DAPK3: variants seen among roughly 807,000 people sequenced by gnomAD.
DAPK3 encodes death associated protein kinase 3, also known as death-associated protein kinase 3.
DAPK3 carries 24 observed loss-of-function variants against 30.6 expected under a neutral mutation model. The ratio of observed to expected loss-of-function variants is 0.78; its 90% CI spans 0.57 to 1.10. The LOEUF (loss-of-function observed/expected upper bound fraction) is 1.10, where lower values mean the gene tolerates loss of function less well. Among genes scored for constraint, DAPK3 ranks in the 50% least tolerant of loss-of-function variants. DAPK3 has a pLI of 0.00. For synonymous variants in DAPK3, 341 were observed against 284.0 expected (o/e 1.20, Z -2.02); for missense variants, 629 against 657.3 (o/e 0.96, Z 0.47).
rs2039475822 is a variant in DAPK3, at chr19:3,959,270, G to A, written c.1196C>T (p.Ala399Val). The A allele has an allele frequency of 6.3e-7, 1 of 1,598,150 alleles. No homozygotes were observed. The highest frequency in any genetic ancestry group is 2.2e-5 in the East Asian group (1 of 44,716). The change falls in exon 9 of 9, where the codon GCC (alanine) becomes GTC (valine). Residue 399 changes from alanine (A) to valine (V), a missense_variant. This residue lies in a region of DAPK3 where 323 missense variants were observed against 278.8 expected (regional missense o/e 1.16). Transcript: ENST00000545797. ...GCTGGTCCCCAGCAGCGCGCCCTTG[G>A]CCTCCTCCTGCGCCTGCCGCTTGAG... ...EALKRQAQEE[A>V]KGALLGTSGL... is the part of the protein sequence containing the mutation.
chr19:3,960,173 C>G (rs1265202620), intron 7 of DAPK3, 69 bp from the exon 8 acceptor site: 2 of 843,158 alleles, frequency 2.4e-6, no homozygotes, highest in African/African-American at 1.7e-5. Flanking sequence ...ACAACTGACT[C>G]CCGGGACCCC....
rs116776719 is a variant in DAPK3, at chr19:3,959,796, T to A, written c.829-159A>T. ...GCCCGACGCAAAGCCGAGAGTGCTC[T>A]CTCGAGAAAAACGCTGCGGCCCTGG... On this transcript the variant is annotated intron_variant, in intron 8 of 8. Coordinates refer to ENST00000545797, the MANE Select transcript of DAPK3 (RefSeq NM_001348.3). The A allele has an allele frequency of 1.9e-3, 1,725 of 889,428 alleles. 23 individuals are homozygous for A. In the African/African-American group the frequency reaches 0.027, roughly 14 times the overall value. 55.1% of individuals were successfully genotyped at this position (889,428 alleles called of 1,614,324 possible).
rs149472696 is a variant in DAPK3, at chr19:3,961,433, A to G, written c.630-272T>C. 298 of 595,014 alleles carry G rather than the reference A, an allele frequency of 5.0e-4. 2 individuals carry two copies. The highest frequency in any genetic ancestry group is 4.8e-3 in the African/African-American group (260 of 54,202). The allele number at this position is 595,014 out of a possible 1,614,324, so 36.9% of individuals were successfully genotyped here. A position where few individuals can be genotyped will look rare whatever the true frequency, so the allele number is the denominator to read the frequency against. ...AGACTCGAAGTATCTGTGCAGACGC[A>G]GAGCCCGAAAGCCCCCAGTGCTCAG... On this transcript the variant is annotated intron_variant, in intron 6 of 8. Transcript: ENST00000545797.
intron 2 of DAPK3, among the ~76,000 whole-genome samples, chr19:3,968,870 C>G (rs1255133673): frequency 6.6e-6 from 1 of 152,162 alleles, no homozygotes; most frequent in African/African-American, 2.4e-5. Flanking sequence ...AGGCTGGAGG[C>G]TCTACAAAAG....
chr19:3,959,442 GCTCGCGCAGGCC>G lies in DAPK3; in HGVS notation c.1012_1023del (p.Gly338_Glu341del). On this transcript the variant is annotated inframe_deletion, in exon 9 of 9. Coordinates refer to ENST00000545797, the MANE Select transcript of DAPK3 (RefSeq NM_001348.3). ...TGGCAGAGCCGCCGGCTGCGCTGCA[GCTCGCGCAGGCC>G]CTCCTCGGCGGCCGCCGCCTCCTCC... 1 of 1,548,694 alleles carries G rather than the reference GCTCGCGCAGGCC, an allele frequency of 6.5e-7. No individual in the cohort carries two copies. The highest frequency in any genetic ancestry group is 8.7e-7 in the Non-Finnish European group (1 of 1,153,682).
intron 7 of DAPK3, 142 bp from the exon 8 acceptor site, chr19:3,960,246 C>CT (rs1179750210): frequency 1.6e-6 from 1 of 628,866 alleles, no homozygotes; most frequent in Non-Finnish European, 2.9e-6. Flanking sequence ...AACAAGGGTA[C>CT]TGCAGGGAGC....
At chr19:3,963,559 C>T in intron 6 of DAPK3, 84 bp downstream of exon 6, 2 of 840,096 alleles carry the variant, frequency 2.4e-6, no homozygotes, top group South Asian at 3.4e-5. Flanking sequence ...GCTGGGGACC[C>T]CTGGCGTCCA....
rs373824365 is a variant in DAPK3 at position 3,969,659 on chromosome 19, G to T, written c.62+15C>A. On this transcript the variant is annotated intron_variant, in intron 2 of 8. Transcript: ENST00000545797. ...TCCTATCCCTGGAGCCCAGCCGTGC[G>T]GGCAGACAGCTCACCTGCCCAGCTC... The T allele has an allele frequency of 1.5e-5, 24 of 1,575,604 alleles. No homozygotes were observed. Among genetic ancestry groups the T allele is most frequent in the Non-Finnish European group, 2.0e-5 (23 of 1,146,362 alleles).
At chr19:3,970,389 T>G (rs1344736364) in intron 1 of DAPK3, among the ~76,000 whole-genome samples, 1 of 152,064 alleles carries the variant, frequency 6.6e-6, no homozygotes, top group East Asian at 1.9e-4. Context: ...CCTCCCAAAG[T>G]GCTGCCATTC....
chr19:3,959,241 G>T lies in DAPK3; in HGVS notation c.1225C>A (p.Leu409Ile). 1 of 1,600,196 alleles carries T rather than the reference G, an allele frequency of 6.2e-7. No homozygotes were observed. Residue 409 changes from leucine to isoleucine, a missense_variant, in exon 9 of 9, where the codon CTC becomes ATC. Transcript: ENST00000545797. ...TCCAGGCGGCTGAAGCGGCGCTTGAGGCCGCTGGTCCCCAGCAGCGCGCCC... is the reference window on the plus strand; with the variant it reads ...TCCAGGCGGCTGAAGCGGCGCTTGATGCCGCTGGTCCCCAGCAGCGCGCCC... ...AKGALLGTSG[L>I]KRRFSRLENR...
At chr19:3,961,639 C>T (rs192304638) in intron 6 of DAPK3, 33 of 411,658 alleles carry the variant, frequency 8.0e-5, no homozygotes, top group African/African-American at 6.7e-4. Flanking sequence ...CCCGTCTGAT[C>T]GTCTGATCGT....
chr19:3,964,974 ACGAT>A lies in DAPK3; in HGVS notation c.76_79del (p.Ile26CysfsTer30). On this transcript the variant is annotated frameshift_variant, in exon 3 of 9. Transcript: ENST00000545797. LOFTEE classifies it high-confidence loss of function. ...CGTGCCCTTCTGCCGGCACTTCCGC[ACGAT>A]CGCAAACTGGCCGCTGGAGGAGGGG... 1 of 1,602,558 alleles carries A rather than the reference ACGAT, an allele frequency of 6.2e-7. No homozygotes were observed. The highest frequency in any genetic ancestry group is 8.5e-7 in the Non-Finnish European group (1 of 1,172,356).
At chr19:3,965,874 C>T (rs2039573107) in intron 2 of DAPK3, among the ~76,000 whole-genome samples, 1 of 152,002 alleles carries the variant, frequency 6.6e-6, no homozygotes, top group African/African-American at 2.4e-5. Flanking sequence ...CTATGTTGCC[C>T]ACGCTGGTCT....
intron 6 of DAPK3, among the ~76,000 whole-genome samples, chr19:3,962,234 TA>T (rs2039524371): frequency 6.6e-6 from 1 of 152,226 alleles, no homozygotes; most frequent in South Asian, 2.1e-4. Context: ...ATGAAAAATG[TA>T]AACTGAAGGA....
intron 1 of DAPK3, chr19:3,970,562 G>GA (rs1191321614): frequency 2.0e-5 from 3 of 150,134 alleles, no homozygotes; most frequent in Admixed American, 6.7e-5. Flanking sequence ...CCACGCTCCT[G>GA]AAAGCCCACT....
chr19:3,967,175 G>A (rs1324673142), intron 2 of DAPK3, among the ~76,000 whole-genome samples: 1 of 152,250 alleles, frequency 6.6e-6, no homozygotes, highest in Non-Finnish European at 1.5e-5. Context: ...GGGAAGCCGG[G>A]CACAGTGGCT....
At chr19:3,961,795 G>A (rs73530382) in intron 6 of DAPK3, 5,018 of 306,800 alleles carry the variant, frequency 0.016, 214 homozygotes, top group African/African-American at 0.1. Flanking sequence ...GCTAAATGCC[G>A]TGTGGGGACC....
At chr19:3,962,164 C>CT (rs1467821508) in intron 6 of DAPK3, among the ~76,000 whole-genome samples, 16 of 152,178 alleles carry the variant, frequency 1.1e-4, no homozygotes, top group Non-Finnish European at 2.2e-4. Context: ...GCCCATCTAG[C>CT]ACTTTTGTGA....
At chr19:3,966,195 T>C (rs1180849896) in intron 2 of DAPK3, among the ~76,000 whole-genome samples, 1 of 152,120 alleles carries the variant, frequency 6.6e-6, no homozygotes, top group East Asian at 1.9e-4. Context: ...TGCTGCAGGC[T>C]CCAGAGCCCA....
Sources: gnomAD v4.1 joint callset for allele counts (sites outside exome capture counted in the v4.1 genomes callset) on GRCh38, gnomAD v4.1.1 for gene constraint, gnomAD v4.1.1 regional missense constraint, MANE v1.5 for transcripts, NCBI Gene and HGNC (gene_info 2026-07-23, HGNC 2026-07-21) for gene names.